The following MGAT5 variants were observed in gnomAD, a reference collection of about 807,000 sequenced individuals.
MGAT5 encodes the protein alpha-1,6-mannosylglycoprotein 6-beta-N-acetylglucosaminyltransferase, also known as alpha-1,6-mannosylglycoprotein 6-beta-N-acetylglucosaminyltransferase A.
A neutral mutation model predicts 94.3 loss-of-function variants in MGAT5; 30 were observed. The observed-to-expected ratio is 0.32, with a 90% confidence interval of 0.24 to 0.43. The LOEUF is 0.43. Among genes scored for constraint, MGAT5 ranks in the 20% least tolerant of loss-of-function variants. The pLI, the probability that MGAT5 is intolerant of heterozygous loss-of-function variation, is 1.00. For missense variants in MGAT5, 691 were observed against 905.5 expected (o/e 0.76, Z 3.04); for synonymous variants, 310 against 322.9 (o/e 0.96, Z 0.43).
chr2:134,334,519 T>TTTTTTTTTG (rs1688218935), intron 4 of MGAT5, among the ~76,000 whole-genome samples: 2 of 138,722 alleles, frequency 1.4e-5, no homozygotes, highest in Non-Finnish European at 3.1e-5. Flanking sequence ...TTTTTTTTTT[T>TTTTTTTTTG]GCAGGGTTGG....
intron 2 of MGAT5, among the ~76,000 whole-genome samples, chr2:134,286,572 C>T (rs986334431): frequency 6.6e-6 from 1 of 152,000 alleles, no homozygotes; most frequent in Admixed American, 6.6e-5. Flanking sequence ...GCTGAGATTA[C>T]AGGCACCCAG....
intron 9 of MGAT5, among the ~76,000 whole-genome samples, chr2:134,359,007 A>G (rs905275969): frequency 3.9e-5 from 6 of 152,208 alleles, no homozygotes; most frequent in African/African-American, 1.4e-4. Context: ...TCATTTGTAA[A>G]TAGGTGCTTC....
intron 12 of MGAT5, among the ~76,000 whole-genome samples, chr2:134,414,452 G>T (rs1449027921): frequency 6.6e-6 from 1 of 152,074 alleles, no homozygotes; most frequent in Non-Finnish European, 1.5e-5. Context: ...GAGTTTGGCG[G>T]GGGGAAAGAA....
chr2:134,286,620 A>G (rs1191545798), intron 2 of MGAT5, among the ~76,000 whole-genome samples: 1 of 152,002 alleles, frequency 6.6e-6, no homozygotes, highest in African/African-American at 2.4e-5. Flanking sequence ...GGGTTTTACC[A>G]TGTTGGCCAG....
chr2:134,148,208 T>C (rs987129938), intron 1 of MGAT5, among the ~76,000 whole-genome samples: 2 of 152,240 alleles, frequency 1.3e-5, no homozygotes, highest in African/African-American at 4.8e-5. Flanking sequence ...GTCCAGAGCA[T>C]GCAAAAGTTA....
At chr2:134,347,417 A>G (rs1688984027) in intron 8 of MGAT5, among the ~76,000 whole-genome samples, 1 of 152,192 alleles carries the variant, frequency 6.6e-6, no homozygotes, top group Non-Finnish European at 1.5e-5. Flanking sequence ...TTAGGCCCTT[A>G]GCAGACAACT....
chr2:134,258,894 G>A (rs1683147888), intron 1 of MGAT5, among the ~76,000 whole-genome samples: 1 of 152,232 alleles, frequency 6.6e-6, no homozygotes, highest in Non-Finnish European at 1.5e-5. Context: ...TGAGACATGA[G>A]CAAAGTGCTG....
At chr2:134,240,376 ATTTGTATG>A (rs1681913941) in intron 1 of MGAT5, among the ~76,000 whole-genome samples, 1 of 139,492 alleles carries the variant, frequency 7.2e-6, no homozygotes, top group East Asian at 2.3e-4. Flanking sequence ...TTTTTTTACT[ATTTGTATG>A]TTTGAAGGAC....
intron 1 of MGAT5, among the ~76,000 whole-genome samples, chr2:134,246,948 A>C (rs1257018132): frequency 6.6e-6 from 1 of 152,214 alleles, no homozygotes; most frequent in Non-Finnish European, 1.5e-5. Flanking sequence ...TGATTGTTAG[A>C]CCAGGGAGAT....
intron 1 of MGAT5, among the ~76,000 whole-genome samples, chr2:134,170,855 C>CTTTTTTTTT (rs112717170): frequency 6.9e-6 from 1 of 145,846 alleles, no homozygotes; most frequent in African/African-American, 2.5e-5. Context: ...GATCTCTACT[C>CTTTTTTTTT]TTTTTTTTTT....
intron 15 of MGAT5, among the ~76,000 whole-genome samples, chr2:134,446,827 G>C (rs528283175): frequency 6.6e-6 from 1 of 152,168 alleles, no homozygotes; most frequent in East Asian, 1.9e-4. Flanking sequence ...CGCAGGCTCT[G>C]GGGGAGGGAG....
rs1371503721 is a variant in MGAT5, at chr2:134,395,580, G to C, written c.1381-7408G>C. ...GTACATACTTAAACATATTTTAAAT[G>C]CATTTTATTCCCAGTGCTGGCTCAG... On this transcript the variant is annotated intron_variant, in intron 10 of 15. Transcript: ENST00000281923. Among the ~76,000 whole-genome samples the C allele has an allele frequency of 2.6e-5, 4 of 152,306 alleles. No individual in the cohort carries two copies. The East Asian group carries it at 5.8e-4, about 22-fold the overall frequency.
chr2:134,387,323 TATATATA>T (rs1318849578), intron 10 of MGAT5, among the ~76,000 whole-genome samples: 27 of 50,310 alleles, frequency 5.4e-4, no homozygotes, highest in East Asian at 1.8e-3. Context: ...TATATATATA[TATATATA>T]TATTTTTTTT....
rs141358502 is a variant in MGAT5 at position 134,177,144 on chromosome 2, C to CGTGTGTGTGTGTGTGTGT, written c.-143+56854_-143+56871dup. On this transcript the variant is annotated intron_variant, in intron 1 of 16. Coordinates refer to the MGAT5 transcript ENST00000409645. Reference sequence around the variant, plus strand: ...AGGGACCTCCTGTAACAAATGAACCCGTGTGTGTGTGTGTGTGTATGTATC... The same window carrying CGTGTGTGTGTGTGTGTGT: ...AGGGACCTCCTGTAACAAATGAACCCGTGTGTGTGTGTGTGTGTGTGTGTGTGTGTGTGTGTATGTATC... Among the ~76,000 whole-genome samples the CGTGTGTGTGTGTGTGTGT allele has an allele frequency of 2.4e-3, 347 of 142,590 alleles. 9 individuals are homozygous for CGTGTGTGTGTGTGTGTGT. Among genetic ancestry groups the CGTGTGTGTGTGTGTGTGT allele is most frequent in the African/African-American group, 6.7e-3 (241 of 36,194 alleles). The allele number at this position is 142,590 out of a possible 152,430, so 93.5% of individuals were successfully genotyped here.
chr2:134,129,557 G>T (rs1686018596), intron 1 of MGAT5, among the ~76,000 whole-genome samples: 1 of 152,058 alleles, frequency 6.6e-6, no homozygotes, highest in Admixed American at 6.6e-5. Flanking sequence ...TTGCAAAGAA[G>T]GTTTACTGTT....
intron 1 of MGAT5, among the ~76,000 whole-genome samples, chr2:134,259,626 G>GTTT (rs1225457503): frequency 6.6e-6 from 1 of 152,114 alleles, no homozygotes; most frequent in African/African-American, 2.4e-5. Flanking sequence ...CCTGCTGCCT[G>GTTT]TTTCCTCCTT....
chr2:134,403,354 A>G (rs1196382814), intron 11 of MGAT5, among the ~76,000 whole-genome samples: 4 of 152,184 alleles, frequency 2.6e-5, no homozygotes, highest in Non-Finnish European at 4.4e-5. Flanking sequence ...CGTATTTACT[A>G]AGGACCTACT....
chr2:134,326,299 T>C (rs1285363542), intron 4 of MGAT5, among the ~76,000 whole-genome samples: 1 of 152,074 alleles, frequency 6.6e-6, no homozygotes, highest in Non-Finnish European at 1.5e-5. Flanking sequence ...TATGTAGTAA[T>C]GGATTAAAAC....
chr2:134,396,348 C>T (rs1047381304), intron 10 of MGAT5, among the ~76,000 whole-genome samples: 17 of 152,080 alleles, frequency 1.1e-4, no homozygotes, highest in Non-Finnish European at 1.9e-4. Flanking sequence ...AACTTACCTC[C>T]AATCTTGGAA....
Sources: gnomAD v4.1 joint callset for allele counts (sites outside exome capture counted in the v4.1 genomes callset) on GRCh38, gnomAD v4.1.1 for gene constraint, MANE v1.5 for transcripts, NCBI Gene and HGNC (gene_info 2026-07-23, HGNC 2026-07-21) for gene names.